The following QRICH1 variants were observed in gnomAD, a reference collection of about 807,000 sequenced individuals.
QRICH1 encodes the protein glutamine rich 1, also known as transcriptional regulator QRICH1.
In QRICH1, 16 loss-of-function variants were observed where a neutral mutation model predicts 87.1. That is an observed-to-expected ratio of 0.18 (90% CI 0.12 to 0.28). QRICH1 has a LOEUF of 0.28. QRICH1 is among the 10% of genes least tolerant of loss of function. The pLI, the probability that QRICH1 is intolerant of heterozygous loss-of-function variation, is 1.00. For synonymous variants in QRICH1, 367 were observed against 368.4 expected (o/e 1.00, Z 0.05); for missense variants, 647 against 951.7 (o/e 0.68, Z 4.21).
At chr3:49,031,836 G>T (rs1387532385) in intron 9 of QRICH1, among the ~76,000 whole-genome samples, 1 of 152,226 alleles carries the variant, frequency 6.6e-6, no homozygotes, top group Non-Finnish European at 1.5e-5. Context: ...AGAAAAAGCT[G>T]AGAGGAGTCT....
intron 1 of QRICH1, among the ~76,000 whole-genome samples, chr3:49,081,196 C>T (rs777397998): frequency 3.6e-4 from 54 of 151,976 alleles, no homozygotes; most frequent in African/African-American, 1.2e-3. Flanking sequence ...CTGGGTGGAT[C>T]GCCTGAGGGC....
At chr3:49,032,991 C>A in intron 7 of QRICH1, 129 bp downstream of exon 7, 1 of 938,460 alleles carries the variant, frequency 1.1e-6, no homozygotes, top group East Asian at 2.9e-5. Flanking sequence ...AAAATGCAGC[C>A]AAGTGGGGTT....
intron 2 of QRICH1, among the ~76,000 whole-genome samples, chr3:49,074,912 G>A (rs1214807620): frequency 6.6e-6 from 1 of 152,040 alleles, no homozygotes; most frequent in Non-Finnish European, 1.5e-5. Flanking sequence ...CTGGGAGGCA[G>A]AGCTTGCAGT....
chr3:49,040,560 C>T (rs537709439), intron 6 of QRICH1, among the ~76,000 whole-genome samples: 30 of 152,322 alleles, frequency 2.0e-4, no homozygotes, highest in South Asian at 2.1e-4. Flanking sequence ...TTATATTCTC[C>T]GGCACCTAGC....
chr3:49,049,767 G>A (rs563873617), intron 3 of QRICH1, among the ~76,000 whole-genome samples: 112 of 151,914 alleles, frequency 7.4e-4, no homozygotes, highest in African/African-American at 2.6e-3. Context: ...CAAAGTGCTG[G>A]GATTACAGGC....
chr3:49,066,162 A>G (rs1459478599), intron 2 of QRICH1, among the ~76,000 whole-genome samples: 1 of 152,064 alleles, frequency 6.6e-6, no homozygotes, highest in African/African-American at 2.4e-5. Context: ...TTGTGAGCCA[A>G]CTGTGGTCCC....
intron 2 of QRICH1, among the ~76,000 whole-genome samples, chr3:49,073,048 AAC>A (rs2041874622): frequency 6.6e-6 from 1 of 151,970 alleles, no homozygotes; most frequent in Admixed American, 6.6e-5. Flanking sequence ...TTAAAAAAAA[AAC>A]AGAAAAAATG....
At chr3:49,056,752 C>T in intron 3 of QRICH1, 110 bp downstream of exon 3, 1 of 1,504,222 alleles carries the variant, frequency 6.6e-7, no homozygotes, top group South Asian at 1.2e-5. Context: ...AATACTGCAT[C>T]ACTGTAAGAG....
At chr3:49,050,314 T>C (rs1170969660) in intron 3 of QRICH1, among the ~76,000 whole-genome samples, 1 of 143,268 alleles carries the variant, frequency 7.0e-6, no homozygotes, top group Non-Finnish European at 1.5e-5. Flanking sequence ...TCCCAGCTAC[T>C]TGGGAGGCTG....
chr3:49,039,451 C>A lies in QRICH1; in HGVS notation c.1786+4939G>T, dbSNP rs556279265. Among the ~76,000 whole-genome samples the A allele has an allele frequency of 7.1e-4, 108 of 151,562 alleles. 1 individual carries two copies. The highest frequency in any genetic ancestry group is 2.5e-3 in the African/African-American group (105 of 41,362). Reference sequence around the variant, plus strand: ...ATCCCAGCACTTCGGGAGGCCGAGGCGGGCCGATCACTTGAGGCCAGAAGT... The same window carrying A: ...ATCCCAGCACTTCGGGAGGCCGAGGAGGGCCGATCACTTGAGGCCAGAAGT... On this transcript the variant is annotated intron_variant, in intron 6 of 9. Coordinates refer to ENST00000395443, the MANE Select transcript of QRICH1 (RefSeq NM_198880.3).
At chr3:49,087,818 C>CAAAAAAACAAAAAAAAAAAAAAAA (rs2042195736) in intron 1 of QRICH1, among the ~76,000 whole-genome samples, 1 of 47,676 alleles carries the variant, frequency 2.1e-5, no homozygotes, top group Non-Finnish European at 3.4e-5. Flanking sequence ...AGGTTCATCT[C>CAAAAAAACAAAAAAAAAAAAAAAA]AAAAAAAAAA....
At chr3:49,059,751 C>T (rs1431015571) in intron 2 of QRICH1, among the ~76,000 whole-genome samples, 3 of 150,700 alleles carry the variant, frequency 2.0e-5, no homozygotes, top group Admixed American at 1.3e-4. Flanking sequence ...GATGGAGTTT[C>T]GCTCGTTCCC....
intron 2 of QRICH1, among the ~76,000 whole-genome samples, chr3:49,063,917 TTTTA>T (rs1230811456): frequency 6.6e-6 from 1 of 152,190 alleles, no homozygotes; most frequent in African/African-American, 2.4e-5. Flanking sequence ...TTAATTCTTT[TTTTA>T]TTTGAGATGG....
intron 3 of QRICH1, among the ~76,000 whole-genome samples, chr3:49,053,584 G>T (rs552556385): frequency 1.3e-5 from 2 of 152,066 alleles, no homozygotes; most frequent in Non-Finnish European, 2.9e-5. Context: ...TGGCTATAGG[G>T]GGGTCACTGC....
At chr3:49,058,764 G>C (rs1244330456) in intron 2 of QRICH1, among the ~76,000 whole-genome samples, 1 of 151,954 alleles carries the variant, frequency 6.6e-6, no homozygotes, top group Non-Finnish European at 1.5e-5. Flanking sequence ...GAGTAGCTAG[G>C]ATTACAGGAA....
At chr3:49,072,564 T>G (rs1341603737) in intron 2 of QRICH1, among the ~76,000 whole-genome samples, 1 of 152,070 alleles carries the variant, frequency 6.6e-6, no homozygotes, top group Non-Finnish European at 1.5e-5. Flanking sequence ...TGCCAGATAC[T>G]TTATTATCTT....
At chr3:49,046,309 T>C (rs550020481) in intron 5 of QRICH1, 116 bp downstream of exon 5, 5 of 1,096,256 alleles carry the variant, frequency 4.6e-6, no homozygotes, top group African/African-American at 3.2e-5. Context: ...ACTCACTGTA[T>C]ACCTGAAAGA....
At chr3:49,034,883 G>C (rs184619607) in intron 6 of QRICH1, among the ~76,000 whole-genome samples, 1 of 152,140 alleles carries the variant, frequency 6.6e-6, no homozygotes, top group Non-Finnish European at 1.5e-5. Flanking sequence ...GCAGGGTTTC[G>C]GGATTCTCCA....
At chr3:49,036,908 C>T (rs2093278357) in intron 6 of QRICH1, among the ~76,000 whole-genome samples, 1 of 151,344 alleles carries the variant, frequency 6.6e-6, no homozygotes, top group South Asian at 2.1e-4. Context: ...ACAAAAAATA[C>T]AAAAATTAAA....
Sources: gnomAD v4.1 joint callset for allele counts (sites outside exome capture counted in the v4.1 genomes callset) on GRCh38, gnomAD v4.1.1 for gene constraint, MANE v1.5 for transcripts, NCBI Gene and HGNC (gene_info 2026-07-23, HGNC 2026-07-21) for gene names.